Variants in YTHDF2 observed in about 807,000 individuals in gnomAD.
YTHDF2 encodes the protein YTH domain-containing family protein 2.
In YTHDF2, 2 loss-of-function variants were observed where a neutral mutation model predicts 50.4. The ratio of observed to expected loss-of-function variants is 0.04; its 90% CI spans 0.02 to 0.12. YTHDF2 has a LOEUF of 0.12. Ranked by LOEUF, YTHDF2 falls within the 10% of genes least tolerant of loss-of-function variation. The pLI is 1.00. For missense variants in YTHDF2, 483 were observed against 722.6 expected, an observed-to-expected ratio of 0.67 and a Z score of 3.80; for synonymous variants, 217 against 255.6, an observed-to-expected ratio of 0.85 and a Z score of 1.44.
At chr1:28,745,974 G>A (rs1189847910) in intron 4 of YTHDF2, among the ~76,000 whole-genome samples, 2 of 152,186 alleles carry the variant, frequency 1.3e-5, no homozygotes, top group Non-Finnish European at 2.9e-5. Flanking sequence ...AGGAGTTAGA[G>A]GTTGTAGTGA....
At chr1:28,744,113 C>A in intron 4 of YTHDF2, 127 bp downstream of exon 4, 1 of 1,032,722 alleles carries the variant, frequency 9.7e-7, no homozygotes, top group Non-Finnish European at 1.3e-6. Context: ...CAGTTCAAGG[C>A]TTTATAGAAG....
In YTHDF2 at chr1:28,760,379, C is replaced by A. The variant is rs530390024; in HGVS notation, c.1717-8550C>A. On this transcript the variant is annotated intron_variant, in intron 4 of 4. Coordinates refer to ENST00000373812, the MANE Select transcript of YTHDF2 (RefSeq NM_016258.3). ...GCGCTATCTTGGCTCACTGCAAGCT[C>A]CACGTCCCAGGTTCACACCATTCTC... Among the ~76,000 whole-genome samples the A allele has an allele frequency of 2.6e-5, 4 of 152,000 alleles. No homozygotes were observed. The East Asian group carries it at 7.7e-4, about 29-fold the overall frequency.
chr1:28,751,630 A>G (rs375749129), intron 4 of YTHDF2, among the ~76,000 whole-genome samples: 1 of 152,320 alleles, frequency 6.6e-6, no homozygotes. Context: ...CTAGAAGAGA[A>G]TAGATAACAT....
intron 4 of YTHDF2, among the ~76,000 whole-genome samples, chr1:28,749,698 G>A (rs1018776807): frequency 3.3e-5 from 5 of 152,086 alleles, no homozygotes; most frequent in African/African-American, 1.2e-4. Context: ...TTTAAGTCCA[G>A]CATCTTGTTA....
chr1:28,749,986 G>GGT (rs762743600), intron 4 of YTHDF2, among the ~76,000 whole-genome samples: 1,432 of 78,322 alleles, frequency 0.018, 12 homozygotes, highest in Middle Eastern at 0.033. Context: ...AAAAAAGGTT[G>GGT]TTTTTTTTTT....
chr1:28,738,414 ATTTTC>A, intron 3 of YTHDF2, 76 bp downstream of exon 3: 1 of 1,221,130 alleles, frequency 8.2e-7, no homozygotes, highest in Non-Finnish European at 1.2e-6. Context: ...AATAAATCCC[ATTTTC>A]TGAGGATTCA....
At chr1:28,767,291 C>T (rs1172524899) in intron 4 of YTHDF2, among the ~76,000 whole-genome samples, 2 of 152,050 alleles carry the variant, frequency 1.3e-5, no homozygotes, top group East Asian at 1.9e-4. Flanking sequence ...AATATAATTG[C>T]ATGATGCTGT....
chr1:28,765,267 T>A (rs147744791), intron 4 of YTHDF2, among the ~76,000 whole-genome samples: 85 of 152,220 alleles, frequency 5.6e-4, no homozygotes, highest in African/African-American at 2.0e-3. Context: ...CTCAAAGTAC[T>A]GAGATTACAG....
chr1:28,761,859 ATAT>A (rs976011439), intron 4 of YTHDF2, among the ~76,000 whole-genome samples: 1 of 152,186 alleles, frequency 6.6e-6, no homozygotes, highest in Non-Finnish European at 1.5e-5. Context: ...TTTTAATAAA[ATAT>A]TATAGCCTTG....
In YTHDF2 at chr1:28,761,760, A is replaced by T. The variant is rs2088137106; in HGVS notation, c.1717-7169A>T. On this transcript the variant is annotated intron_variant, in intron 4 of 4. Transcript: ENST00000373812. ...ATTCTAGTAGAGTCAGGTTCTCAGT[A>T]TGTTGCCCAGGCTGGTCTCAAACTG... is the stretch of plus-strand genomic sequence containing the variant. Among the ~76,000 whole-genome samples, 3 of 150,840 alleles carry T rather than the reference A, an allele frequency of 2.0e-5. No homozygotes were observed. In the South Asian group the frequency reaches 6.3e-4, roughly 32 times the overall value.
At chr1:28,749,179 CTTTTTTTTTTTTT>C (rs60729215) in intron 4 of YTHDF2, among the ~76,000 whole-genome samples, 3 of 107,426 alleles carry the variant, frequency 2.8e-5, no homozygotes, top group African/African-American at 1.1e-4. Flanking sequence ...TTCTTTCTTC[CTTTTTTTTTTTTT>C]TTTTTTTTTT....
chr1:28,743,206 C>T lies in YTHDF2; in HGVS notation c.936C>T (p.Asn312=). The change falls in exon 4 of 5, where the codon AAC becomes AAT. Residue 312 remains asparagine (N), a synonymous_variant. Coordinates refer to ENST00000373812, the MANE Select transcript of YTHDF2 (RefSeq NM_016258.3). This position sits in a 1 kb window ranked among gnomAD's most constrained non-coding sequence, Gnocchi z 6.9. ...GSPQPVGQQA[N]NSPPVAQASV... is the part of the protein sequence containing the mutation. ...CTCAGCCTGTAGGTCAGCAGGCTAA[C>T]AATAGCCCACCAGTGGCTCAGGCAT... is the stretch of plus-strand genomic sequence containing the variant. 7 of 1,614,158 alleles carry T rather than the reference C, an allele frequency of 4.3e-6. No individual in the cohort carries two copies. Among genetic ancestry groups the T allele is most frequent in the Non-Finnish European group, 5.9e-6 (7 of 1,180,042 alleles).
intron 4 of YTHDF2, among the ~76,000 whole-genome samples, chr1:28,747,223 T>G (rs891384706): frequency 2.0e-5 from 3 of 152,184 alleles, no homozygotes; most frequent in Non-Finnish European, 4.4e-5. Flanking sequence ...TTTCATAGAA[T>G]GAGTGCAATA....
Position 28,737,684 on chromosome 1 carries a change from T to C in YTHDF2, c.52+2T>C. On this transcript the variant is annotated splice_donor_variant, in intron 2 of 4. Transcript: ENST00000373812. LOFTEE classifies it high-confidence loss of function. ...GACCAAAAGGTCAAGGAAACAAAGG[T>C]AAGTCCCGCTCCGCCGGTGGCCCTG... 1.2e-6 allele frequency: 2 copies of C among 1,613,500 alleles called. No homozygotes were observed. Among genetic ancestry groups the C allele is most frequent in the Non-Finnish European group, 1.7e-6 (2 of 1,179,770 alleles).
chr1:28,761,242 T>C (rs1172733040), intron 4 of YTHDF2, among the ~76,000 whole-genome samples: 1 of 150,990 alleles, frequency 6.6e-6, no homozygotes, highest in Non-Finnish European at 1.5e-5. Context: ...TTAAGCATAC[T>C]TTTTCTTGCA....
chr1:28,737,285 C>T, intron 1 of YTHDF2, 138 bp downstream of exon 1: 3 of 1,100,650 alleles, frequency 2.7e-6, no homozygotes, highest in Non-Finnish European at 1.2e-6. Flanking sequence ...GCCTCTCAGG[C>T]CGGCCGCGCC....
intron 4 of YTHDF2, among the ~76,000 whole-genome samples, chr1:28,752,009 AAAGG>A (rs1335246277): frequency 3.9e-5 from 6 of 152,326 alleles, no homozygotes; most frequent in African/African-American, 1.4e-4. Flanking sequence ...TATTTCAGAT[AAAGG>A]AAGAGGCTCA....
chr1:28,740,556 A>G (rs775518780), intron 3 of YTHDF2, among the ~76,000 whole-genome samples: 2 of 152,214 alleles, frequency 1.3e-5, no homozygotes, highest in African/African-American at 2.4e-5. Context: ...TTTTGGAATA[A>G]TACTTCAAGT....
At chr1:28,767,500 TTTTA>T (rs764464393) in intron 4 of YTHDF2, among the ~76,000 whole-genome samples, 138 of 151,948 alleles carry the variant, frequency 9.1e-4, no homozygotes, top group African/African-American at 3.1e-3. Context: ...TTTATTTTTA[TTTTA>T]TTTATTTATT....
Sources: allele counts gnomAD v4.1 joint callset (sites outside exome capture counted in the v4.1 genomes callset), GRCh38; gene constraint gnomAD v4.1.1; non-coding constraint Gnocchi (gnomAD v3.1); transcripts MANE v1.5; gene names NCBI Gene and HGNC (gene_info 2026-07-23, HGNC 2026-07-21).